SULF2: variants seen among roughly 807,000 people sequenced by gnomAD.
SULF2 encodes extracellular sulfatase Sulf-2.
SULF2 carries 52 observed loss-of-function variants against 107.7 expected under a neutral mutation model. The ratio of observed to expected loss-of-function variants is 0.48; its 90% CI spans 0.39 to 0.61. The LOEUF is 0.61. SULF2 is among the 20% of genes least tolerant of loss of function. The pLI is 0.00. For missense variants in SULF2, 993 were observed against 1,177.3 expected (o/e 0.84, Z 2.29); for synonymous variants, 460 against 464.3 (o/e 0.99, Z 0.12).
At chr20:47,758,020 T>A (rs1433632717) in intron 1 of SULF2, among the ~76,000 whole-genome samples, 1 of 152,160 alleles carries the variant, frequency 6.6e-6, no homozygotes, top group Admixed American at 6.5e-5. Context: ...TGGCTCAGTT[T>A]TCCCGTGAGC....
chr20:47,713,052 TG>T (rs930040342), intron 3 of SULF2, among the ~76,000 whole-genome samples: 6 of 149,982 alleles, frequency 4.0e-5, no homozygotes, highest in Non-Finnish European at 7.4e-5. Flanking sequence ...GGGGCAGGGG[TG>T]GGGGGAGAAA....
intron 10 of SULF2, among the ~76,000 whole-genome samples, chr20:47,672,928 G>A (rs2087525124): frequency 6.6e-6 from 1 of 152,100 alleles, no homozygotes; most frequent in Admixed American, 6.5e-5. Flanking sequence ...AGCCCTTCCT[G>A]CTGCTGGAGG....
intron 14 of SULF2, among the ~76,000 whole-genome samples, chr20:47,664,582 C>A (rs1037436704): frequency 2.6e-5 from 4 of 152,208 alleles, no homozygotes; most frequent in Non-Finnish European, 4.4e-5. Flanking sequence ...CCTGCCTACT[C>A]ACACTTGGTC....
Position 47,676,553 on chromosome 20 carries a change from G to T in SULF2, c.1321C>A (p.Arg441Ser). The change falls in exon 10 of 21, where the codon CGT (arginine) becomes AGT (serine). Residue 441 changes from arginine (R) to serine (S), a missense_variant. By Grantham distance (110) the Arg-to-Ser change is moderately radical. Transcript: ENST00000688720. ...QEENFLPKYQ[R>S]VKDLCQRAEY... ...GCACGCTGACACAGGTCCTTCACAC[G>T]CTGGTACTTGGGCAGAAAGTTCTCC... 2 of 1,589,406 alleles carry T rather than the reference G, an allele frequency of 1.3e-6. No homozygotes were observed. Among genetic ancestry groups the T allele is most frequent in the Non-Finnish European group, 1.7e-6 (2 of 1,167,706 alleles).
intron 2 of SULF2, among the ~76,000 whole-genome samples, chr20:47,747,343 C>T (rs928447601): frequency 6.6e-6 from 1 of 152,298 alleles, no homozygotes; most frequent in African/African-American, 2.4e-5. Flanking sequence ...TAATAAGCAT[C>T]GGGTTGTCAG....
At chr20:47,688,126 A>G (rs925225909) in intron 5 of SULF2, among the ~76,000 whole-genome samples, 2 of 152,152 alleles carry the variant, frequency 1.3e-5, no homozygotes, top group Admixed American at 6.5e-5. Context: ...GCCCCAGGAA[A>G]GGGCATGTGC....
chr20:47,770,947 G>A (rs549768335), intron 1 of SULF2, among the ~76,000 whole-genome samples: 4 of 152,296 alleles, frequency 2.6e-5, no homozygotes, highest in South Asian at 2.1e-4. Flanking sequence ...GGCTACGCAC[G>A]TCTGGCCAGA....
chr20:47,753,256 C>T (rs1016039049), intron 2 of SULF2, among the ~76,000 whole-genome samples: 4 of 152,128 alleles, frequency 2.6e-5, no homozygotes, highest in East Asian at 1.9e-4. Flanking sequence ...CTGGGGAATC[C>T]GCTCTGATAT....
chr20:47,705,482 A>T (rs958837107), intron 3 of SULF2, among the ~76,000 whole-genome samples: 1 of 152,188 alleles, frequency 6.6e-6, no homozygotes, highest in African/African-American at 2.4e-5. Flanking sequence ...TGGAGGCAGC[A>T]TGAGATTCCC....
intron 3 of SULF2, among the ~76,000 whole-genome samples, chr20:47,723,011 G>C (rs2089336543): frequency 2.6e-5 from 4 of 152,140 alleles, no homozygotes; most frequent in Non-Finnish European, 5.9e-5. Flanking sequence ...AGGCTGCAGT[G>C]AACCAAGATC....
chr20:47,659,992 C>T (rs775068348), intron 18 of SULF2, among the ~76,000 whole-genome samples: 3 of 152,210 alleles, frequency 2.0e-5, no homozygotes, highest in Non-Finnish European at 4.4e-5. Context: ...TCATTCAGCG[C>T]TGACCTTAGT....
chr20:47,744,092 G>A (rs185732221), intron 2 of SULF2, among the ~76,000 whole-genome samples: 1 of 152,310 alleles, frequency 6.6e-6, no homozygotes, highest in Admixed American at 6.5e-5. Flanking sequence ...ACATGCAGGT[G>A]CCTTTGGGGT....
chr20:47,746,603 G>A (rs774481289), intron 2 of SULF2, among the ~76,000 whole-genome samples: 2 of 152,144 alleles, frequency 1.3e-5, no homozygotes, highest in Non-Finnish European at 2.9e-5. Context: ...TCCAGCAGAG[G>A]GGAGAGAAAG....
At chr20:47,745,382 G>GGA (rs2089982304) in intron 2 of SULF2, among the ~76,000 whole-genome samples, 3 of 52,062 alleles carry the variant, frequency 5.8e-5, no homozygotes, top group African/African-American at 1.6e-4. Flanking sequence ...AGTTTTGAGG[G>GGA]AAAAAAAAAA....
At chr20:47,741,204 C>T (rs1261001484) in intron 2 of SULF2, among the ~76,000 whole-genome samples, 1 of 152,146 alleles carries the variant, frequency 6.6e-6, no homozygotes, top group Non-Finnish European at 1.5e-5. Context: ...ATCTTTCTGG[C>T]CATCCACAGA....
At chr20:47,727,662 C>T (rs540359224) in intron 3 of SULF2, among the ~76,000 whole-genome samples, 2 of 152,284 alleles carry the variant, frequency 1.3e-5, no homozygotes, top group South Asian at 2.1e-4. Context: ...CAGGGAACCT[C>T]TCCTCCTGGG....
chr20:47,747,803 C>T (rs1295083835), intron 2 of SULF2, among the ~76,000 whole-genome samples: 1 of 152,000 alleles, frequency 6.6e-6, no homozygotes, highest in Non-Finnish European at 1.5e-5. Context: ...TGCCCAACGG[C>T]TCAGCCAAAA....
At chr20:47,696,405 C>CG (rs1459742373) in intron 4 of SULF2, among the ~76,000 whole-genome samples, 1 of 151,406 alleles carries the variant, frequency 6.6e-6, no homozygotes, top group Non-Finnish European at 1.5e-5. Flanking sequence ...CCTTACCACC[C>CG]CCCCACCCCC....
chr20:47,701,036 A>G (rs564331626), intron 4 of SULF2, among the ~76,000 whole-genome samples: 1 of 152,346 alleles, frequency 6.6e-6, no homozygotes, highest in African/African-American at 2.4e-5. Context: ...ACTAAAAGCC[A>G]TGGACAAAGA....
Sources: allele counts gnomAD v4.1 joint callset (sites outside exome capture counted in the v4.1 genomes callset), GRCh38; gene constraint gnomAD v4.1.1; transcripts MANE v1.5; gene names NCBI Gene and HGNC (gene_info 2026-07-23, HGNC 2026-07-21).